Variants in RANBP2 observed in about 807,000 individuals in gnomAD.
The protein encoded by RANBP2 is E3 SUMO-protein ligase RanBP2.
In RANBP2, 57 loss-of-function variants were observed where a neutral mutation model predicts 303.6. That is an observed-to-expected ratio of 0.19 (90% CI 0.15 to 0.23). RANBP2 has a LOEUF of 0.23. Ranked by LOEUF, RANBP2 falls within the 10% of genes least tolerant of loss-of-function variation. The pLI is 1.00. For missense variants in RANBP2, 3,138 were observed against 3,780.8 expected (o/e 0.83, Z 4.46); for synonymous variants, 1,167 against 1,301.5 (o/e 0.90, Z 2.23).
At chr2:109,220,477 GAGTGAAAAGAT>G in the RANBP2 span, among the ~76,000 whole-genome samples, 1 of 152,186 alleles carries the variant, frequency 6.6e-6, no homozygotes, top group Non-Finnish European at 1.5e-5. Context: ...ACCATCAAGA[GAGTGAAAAGAT>G]AACCTAAAGA....
the RANBP2 span, among the ~76,000 whole-genome samples, chr2:109,301,440 G>C: frequency 3.9e-5 from 6 of 152,082 alleles, no homozygotes; most frequent in African/African-American, 9.7e-5. Flanking sequence ...CCTCTCCTCC[G>C]GGGATTGCTG....
chr2:109,084,077 T>C, the RANBP2 span, among the ~76,000 whole-genome samples: 1 of 152,176 alleles, frequency 6.6e-6, no homozygotes, highest in African/African-American at 2.4e-5. Flanking sequence ...TGTGGAACTT[T>C]AGGAGTTAGG....
the RANBP2 span, among the ~76,000 whole-genome samples, chr2:109,718,216 G>A: frequency 2.6e-5 from 4 of 152,040 alleles, no homozygotes; most frequent in African/African-American, 9.7e-5. Context: ...CTTCTCTGAA[G>A]GTATGAACCC....
the RANBP2 span, among the ~76,000 whole-genome samples, chr2:109,054,041 A>G: frequency 6.6e-6 from 1 of 152,078 alleles, no homozygotes; most frequent in African/African-American, 2.4e-5. Context: ...AGGCCACTGT[A>G]CTACCTGGGC....
intron 7 of RANBP2, among the ~76,000 whole-genome samples, chr2:108,741,879 C>A (rs1696131113): frequency 6.8e-6 from 1 of 146,354 alleles, no homozygotes; most frequent in Non-Finnish European, 1.5e-5. Flanking sequence ...AGTAGTCTTC[C>A]AAAAAAGCAT....
the RANBP2 span, among the ~76,000 whole-genome samples, chr2:109,165,148 G>C: frequency 2.6e-5 from 4 of 152,232 alleles, no homozygotes; most frequent in East Asian, 7.7e-4. Flanking sequence ...AATGAACTTA[G>C]GTCATCAACT....
the RANBP2 span, among the ~76,000 whole-genome samples, chr2:109,368,934 G>GGTCT: frequency 6.6e-6 from 1 of 151,908 alleles, no homozygotes; most frequent in Non-Finnish European, 1.5e-5. Context: ...TCATGCCTTG[G>GGTCT]GCCTCTGCTG....
the RANBP2 span, among the ~76,000 whole-genome samples, chr2:109,236,258 A>G: frequency 1.3e-5 from 2 of 152,132 alleles, no homozygotes; most frequent in African/African-American, 4.8e-5. Flanking sequence ...TTAATGACCA[A>G]ATTCCCCTCG....
At chr2:108,842,486 G>C in the RANBP2 span, among the ~76,000 whole-genome samples, 1 of 152,142 alleles carries the variant, frequency 6.6e-6, no homozygotes, top group Non-Finnish European at 1.5e-5. Flanking sequence ...TGGAGTCCAG[G>C]ATGTTACCCA....
chr2:108,818,325 G>A, the RANBP2 span, among the ~76,000 whole-genome samples: 198 of 152,020 alleles, frequency 1.3e-3, no homozygotes, highest in African/African-American at 4.6e-3. Flanking sequence ...TAATGGAATC[G>A]GGATCATGTA....
chr2:109,106,597 G>A, the RANBP2 span, among the ~76,000 whole-genome samples: 1 of 152,050 alleles, frequency 6.6e-6, no homozygotes, highest in Non-Finnish European at 1.5e-5. Context: ...AGCACTTTGG[G>A]AGGCTAAGAT....
the RANBP2 span, among the ~76,000 whole-genome samples, chr2:108,927,151 G>A: frequency 2.6e-5 from 4 of 152,194 alleles, no homozygotes; most frequent in African/African-American, 4.8e-5. Context: ...GCACCCCTGC[G>A]GAGCAGTGCG....
chr2:109,407,368 G>A, the RANBP2 span, among the ~76,000 whole-genome samples: 3 of 152,230 alleles, frequency 2.0e-5, no homozygotes, highest in South Asian at 6.2e-4. Context: ...TAAATGAGGA[G>A]AGTTCCTTAT....
chr2:109,084,311 C>T, the RANBP2 span, among the ~76,000 whole-genome samples: 20 of 152,202 alleles, frequency 1.3e-4, no homozygotes, highest in African/African-American at 4.8e-4. Flanking sequence ...AAAATCTTCA[C>T]AGTGGTGAGA....
chr2:109,206,213 G>A, the RANBP2 span, among the ~76,000 whole-genome samples: 1 of 152,076 alleles, frequency 6.6e-6, no homozygotes, highest in African/African-American at 2.4e-5. Context: ...AGGCTGGGCC[G>A]GGCACGGTGG....
At chr2:108,815,109 CAG>C in the RANBP2 span, among the ~76,000 whole-genome samples, 3,306 of 152,040 alleles carry the variant, frequency 0.022, 114 homozygotes, top group African/African-American at 0.076. Flanking sequence ...GGTAGGCTGT[CAG>C]AGGACAAGAT....
chr2:109,129,441 G>T, the RANBP2 span: 1 of 1,490,400 alleles, frequency 6.7e-7, no homozygotes, highest in Admixed American at 2.1e-5. Flanking sequence ...AGTCACGGCG[G>T]AGCCCGGCTC....
At chr2:109,049,904 G>A in the RANBP2 span, among the ~76,000 whole-genome samples, 1 of 152,132 alleles carries the variant, frequency 6.6e-6, no homozygotes, top group African/African-American at 2.4e-5. Context: ...AGGGCTGACC[G>A]ACACATCTGG....
chr2:109,686,559 C>T, the RANBP2 span, among the ~76,000 whole-genome samples: 5 of 152,204 alleles, frequency 3.3e-5, no homozygotes, highest in South Asian at 2.1e-4. Context: ...GTGATTTGCC[C>T]GCCTCGGCCT....
Sources: allele counts gnomAD v4.1 joint callset (sites outside exome capture counted in the v4.1 genomes callset), GRCh38; gene constraint gnomAD v4.1.1; transcripts MANE v1.5; gene names NCBI Gene and HGNC (gene_info 2026-07-23, HGNC 2026-07-21).